FARS2: variants seen among roughly 807,000 people sequenced by gnomAD.
FARS2 encodes the protein phenylalanyl-tRNA synthetase 2, mitochondrial, also known as phenylalanine--tRNA ligase, mitochondrial.
FARS2 carries 40 observed loss-of-function variants against 46.4 expected under a neutral mutation model. The observed-to-expected ratio is 0.86, with a 90% CI of 0.67 to 1.12. FARS2 has a LOEUF of 1.12. Ranked by LOEUF, FARS2 falls within the 50% of genes most tolerant of loss-of-function variation. FARS2 has a pLI of 0.00. For synonymous variants in FARS2, 234 were observed against 214.9 expected, an observed-to-expected ratio of 1.09 and a Z score of -0.78; for missense variants, 513 against 567.9, an observed-to-expected ratio of 0.90 and a Z score of 0.98.
At chr6:5,655,445 C>T (rs1777563944) in intron 6 of FARS2, among the ~76,000 whole-genome samples, 1 of 152,188 alleles carries the variant, frequency 6.6e-6, no homozygotes. Context: ...GATCATTTTA[C>T]AGCTGCAGAT....
upstream of FARS2, chr6:5,260,613 C>T (rs751889080): frequency 1.5e-6 from 2 of 1,306,428 alleles, no homozygotes; most frequent in Non-Finnish European, 2.1e-6. Context: ...GGCCCCTGGC[C>T]CCCCGCCCCC....
chr6:5,282,448 A>G (rs1328499547), intron 1 of FARS2, among the ~76,000 whole-genome samples: 1 of 152,194 alleles, frequency 6.6e-6, no homozygotes, highest in African/African-American at 2.4e-5. Flanking sequence ...GTAGGTGCTG[A>G]AGGCCACGAG....
chr6:5,429,360 A>C (rs1763031620), intron 3 of FARS2, among the ~76,000 whole-genome samples: 1 of 152,248 alleles, frequency 6.6e-6, no homozygotes, highest in South Asian at 2.1e-4. Context: ...AAATGCAATT[A>C]AAACAAATCA....
intron 1 of FARS2, among the ~76,000 whole-genome samples, chr6:5,303,981 G>A (rs904961878): frequency 1.3e-5 from 2 of 152,096 alleles, no homozygotes; most frequent in South Asian, 2.1e-4. Context: ...CTGTGCGTCC[G>A]TAGAATGCTA....
intron 1 of FARS2, among the ~76,000 whole-genome samples, chr6:5,268,035 C>G (rs1765671856): frequency 6.6e-6 from 1 of 152,108 alleles, no homozygotes; most frequent in Admixed American, 6.5e-5. Flanking sequence ...CCTTCGCCCA[C>G]TTTTTGATGG....
chr6:5,767,208 A>G (rs1222768268), intron 6 of FARS2, among the ~76,000 whole-genome samples: 1 of 151,618 alleles, frequency 6.6e-6, no homozygotes, highest in Non-Finnish European at 1.5e-5. Context: ...GGCGCCCTCC[A>G]CCACACCTGG....
chr6:5,580,305 A>AAG (rs1554112608), intron 5 of FARS2, among the ~76,000 whole-genome samples: 2 of 149,826 alleles, frequency 1.3e-5, no homozygotes, highest in African/African-American at 2.5e-5. Context: ...AAAAAAAAAA[A>AAG]AGAGAAGGAG....
At chr6:5,646,483 G>A (rs1321171727) in intron 6 of FARS2, among the ~76,000 whole-genome samples, 1 of 152,078 alleles carries the variant, frequency 6.6e-6, no homozygotes, top group Non-Finnish European at 1.5e-5. Context: ...TGATGGCCTT[G>A]GATTTCACGG....
At chr6:5,594,110 G>C (rs1774071399) in intron 5 of FARS2, among the ~76,000 whole-genome samples, 1 of 151,970 alleles carries the variant, frequency 6.6e-6, no homozygotes, top group African/African-American at 2.4e-5. Context: ...AGAAACTTGA[G>C]GGCATGTAGG....
rs3057239 is a variant in FARS2 at position 5,675,199 on chromosome 6, GACACACACAC to G, written c.1217+61910_1217+61919del. ...TAAAAATGCGTTATATTTGCAGATA[GACACACACAC>G]ACACACACACACACACACACACACA... is the stretch of plus-strand genomic sequence containing the variant. On this transcript the variant is annotated intron_variant, in intron 6 of 6. Coordinates refer to ENST00000274680, the MANE Select transcript of FARS2 (RefSeq NM_006567.5). Among the ~76,000 whole-genome samples, 304 of 145,058 alleles carry G rather than the reference GACACACACAC, an allele frequency of 2.1e-3. 3 individuals are homozygous for G. The highest frequency in any genetic ancestry group is 7.0e-3 in the East Asian group (34 of 4,830).
At chr6:5,614,405 C>CGTCTTTTT (rs1561753252) in intron 6 of FARS2, among the ~76,000 whole-genome samples, 1 of 147,356 alleles carries the variant, frequency 6.8e-6, no homozygotes, top group African/African-American at 2.6e-5. Context: ...CTGTTTCCTT[C>CGTCTTTTT]TTTGTCTTTT....
At chr6:5,673,346 T>C (rs1282226339) in intron 6 of FARS2, among the ~76,000 whole-genome samples, 1 of 152,208 alleles carries the variant, frequency 6.6e-6, no homozygotes, top group Non-Finnish European at 1.5e-5. Context: ...TCCCCACTTC[T>C]GCCATCAGAA....
chr6:5,540,433 G>A (rs1235236765), intron 4 of FARS2, among the ~76,000 whole-genome samples: 3 of 152,116 alleles, frequency 2.0e-5, no homozygotes, highest in East Asian at 1.9e-4. Flanking sequence ...TCTTCCGTAC[G>A]CCTTTAGCCT....
At chr6:5,541,633 A>G (rs1770642913) in intron 4 of FARS2, among the ~76,000 whole-genome samples, 1 of 152,194 alleles carries the variant, frequency 6.6e-6, no homozygotes, top group Non-Finnish European at 1.5e-5. Context: ...TTTTATTACT[A>G]GGTCATATTC....
Position 5,486,614 on chromosome 6 carries a change from A to G in FARS2, c.904+55442A>G, listed in dbSNP as rs747062041. Among the ~76,000 whole-genome samples the G allele has an allele frequency of 5.5e-4, 84 of 152,206 alleles. 1 individual carries two copies. Among genetic ancestry groups the G allele is most frequent in the Non-Finnish European group, 1.0e-3 (70 of 68,034 alleles). ...GCTGTATTGATAAGCTTCTCTTTCA[A>G]TACTAGTATATTTTGTTGCTGAACA... is the stretch of plus-strand genomic sequence containing the variant. On this transcript the variant is annotated intron_variant, in intron 4 of 6. Transcript: ENST00000274680.
the FARS2 span, among the ~76,000 whole-genome samples, chr6:5,251,476 T>G: frequency 6.6e-6 from 1 of 152,096 alleles, no homozygotes; most frequent in Non-Finnish European, 1.5e-5. Context: ...CTTACAATCA[T>G]GGCAGAAGGT....
At chr6:5,455,508 CTTTCA>C (rs1415168690) in intron 4 of FARS2, among the ~76,000 whole-genome samples, 1 of 152,190 alleles carries the variant, frequency 6.6e-6, no homozygotes, top group Non-Finnish European at 1.5e-5. Context: ...GAGAGTGTTG[CTTTCA>C]TTTCATTGAC....
At chr6:5,694,032 G>T (rs538343829) in intron 6 of FARS2, among the ~76,000 whole-genome samples, 1 of 152,188 alleles carries the variant, frequency 6.6e-6, no homozygotes, top group African/African-American at 2.4e-5. Context: ...TCAAAGGGAG[G>T]ATTGTCAAAG....
intron 6 of FARS2, among the ~76,000 whole-genome samples, chr6:5,675,661 G>T (rs898948933): frequency 6.6e-6 from 1 of 152,146 alleles, no homozygotes; most frequent in Non-Finnish European, 1.5e-5. Flanking sequence ...ATTTCATTTT[G>T]AAAGAGTAAC....
Sources: gnomAD v4.1 joint callset for allele counts (sites outside exome capture counted in the v4.1 genomes callset) on GRCh38, gnomAD v4.1.1 for gene constraint, MANE v1.5 for transcripts, NCBI Gene and HGNC (gene_info 2026-07-23, HGNC 2026-07-21) for gene names.